MAF: variants seen among roughly 807,000 people sequenced by gnomAD.
The protein encoded by MAF is MAF bZIP transcription factor.
MAF carries 10 observed loss-of-function variants against 22.0 expected under a neutral mutation model. That is an observed-to-expected ratio of 0.45 (90% CI 0.28 to 0.77). MAF has a LOEUF of 0.77. Among genes scored for constraint, MAF ranks in the 30% least tolerant of loss-of-function variants. The pLI, the probability that MAF is intolerant of heterozygous loss-of-function variation, is 0.12. For missense variants in MAF, 544 were observed against 548.4 expected, an observed-to-expected ratio of 0.99 and a Z score of 0.08; for synonymous variants, 337 against 255.8, an observed-to-expected ratio of 1.32 and a Z score of -3.03.
the MAF span, among the ~76,000 whole-genome samples, chr16:79,433,860 C>G: frequency 6.6e-6 from 1 of 152,188 alleles, no homozygotes; most frequent in African/African-American, 2.4e-5. Flanking sequence ...TCAGAAAGAT[C>G]TGGCATGACT....
the MAF span, among the ~76,000 whole-genome samples, chr16:79,293,225 C>A: frequency 6.6e-6 from 1 of 152,286 alleles, no homozygotes; most frequent in East Asian, 1.9e-4. Flanking sequence ...ACAACACCAA[C>A]TCCTGGGGTG....
At chr16:79,516,799 T>C in the MAF span, among the ~76,000 whole-genome samples, 10 of 151,914 alleles carry the variant, frequency 6.6e-5, no homozygotes, top group African/African-American at 2.2e-4. Context: ...TTCCATGGAA[T>C]CTACTAAAGA....
the MAF span, among the ~76,000 whole-genome samples, chr16:79,576,688 T>C: frequency 6.6e-6 from 1 of 152,178 alleles, no homozygotes; most frequent in African/African-American, 2.4e-5. Context: ...AAACCAAGGC[T>C]TGCAAGGTGT....
the MAF span, among the ~76,000 whole-genome samples, chr16:79,315,327 G>C: frequency 2.6e-5 from 4 of 151,950 alleles, no homozygotes; most frequent in Admixed American, 2.6e-4. Flanking sequence ...GAATGGATGG[G>C]GGAGAGTTGA....
chr16:79,413,415 T>TC, the MAF span, among the ~76,000 whole-genome samples: 1 of 145,920 alleles, frequency 6.9e-6, no homozygotes, highest in South Asian at 2.4e-4. Flanking sequence ...GGCTAATTTT[T>TC]TTTTTATTTT....
chr16:79,566,357 G>T, the MAF span, among the ~76,000 whole-genome samples: 8 of 152,178 alleles, frequency 5.3e-5, no homozygotes, highest in Non-Finnish European at 1.2e-4. Flanking sequence ...GGTCGGAGGG[G>T]CCTGGGCTGG....
At chr16:79,525,942 TG>T in the MAF span, among the ~76,000 whole-genome samples, 1 of 152,204 alleles carries the variant, frequency 6.6e-6, no homozygotes, top group Non-Finnish European at 1.5e-5. Flanking sequence ...AGAAGATTCT[TG>T]GAGACGTGAG....
the MAF span, among the ~76,000 whole-genome samples, chr16:79,459,201 A>T: frequency 6.6e-6 from 1 of 152,212 alleles, no homozygotes; most frequent in Non-Finnish European, 1.5e-5. Context: ...ATAAAAGTTC[A>T]TCCTCTTAAC....
chr16:79,425,599 A>G, the MAF span, among the ~76,000 whole-genome samples: 2 of 152,178 alleles, frequency 1.3e-5, no homozygotes, highest in East Asian at 1.9e-4. Flanking sequence ...GGTATTTGCC[A>G]TCATTAAAAC....
chr16:79,355,590 C>G, the MAF span, among the ~76,000 whole-genome samples: 2 of 152,168 alleles, frequency 1.3e-5, no homozygotes, highest in East Asian at 3.8e-4. Context: ...CGTCCTATCT[C>G]CCTGGTTTGA....
At chr16:79,518,954 T>G in the MAF span, among the ~76,000 whole-genome samples, 4 of 152,084 alleles carry the variant, frequency 2.6e-5, no homozygotes, top group African/African-American at 9.7e-5. Context: ...TAAATAAGCT[T>G]TATAAATCTT....
At chr16:79,270,811 C>T in the MAF span, among the ~76,000 whole-genome samples, 27 of 152,162 alleles carry the variant, frequency 1.8e-4, no homozygotes, top group African/African-American at 3.6e-4. Flanking sequence ...GGTCACCATG[C>T]ACTGACCACA....
At chr16:79,240,378 C>T in the MAF span, among the ~76,000 whole-genome samples, 1 of 150,894 alleles carries the variant, frequency 6.6e-6, no homozygotes, top group Non-Finnish European at 1.5e-5. Flanking sequence ...CTCCCAAGCC[C>T]TACAACACTT....
At chr16:79,411,128 C>G in the MAF span, among the ~76,000 whole-genome samples, 1 of 152,150 alleles carries the variant, frequency 6.6e-6, no homozygotes, top group Non-Finnish European at 1.5e-5. Flanking sequence ...AGTTTCCACT[C>G]CCCAGTCACT....
chr16:79,531,581 C>A, the MAF span, among the ~76,000 whole-genome samples: 1 of 152,126 alleles, frequency 6.6e-6, no homozygotes, highest in African/African-American at 2.4e-5. Context: ...TGTGACAGAT[C>A]ATCAGGCATT....
At chr16:79,220,734 G>C in the MAF span, among the ~76,000 whole-genome samples, 4 of 152,288 alleles carry the variant, frequency 2.6e-5, no homozygotes, top group South Asian at 8.3e-4. Context: ...AAATATTTAA[G>C]GCTCTGGGTA....
intron 1 of MAF, chr16:79,586,056 CA>C: frequency 3.6e-6 from 2 of 551,346 alleles, no homozygotes; most frequent in South Asian, 5.1e-5. Flanking sequence ...AGAATTACAC[CA>C]AAAGAAGAGT....
At chr16:79,236,493 T>C in the MAF span, among the ~76,000 whole-genome samples, 1 of 152,106 alleles carries the variant, frequency 6.6e-6, no homozygotes, top group Non-Finnish European at 1.5e-5. Context: ...GGCTGTGCTG[T>C]TTGGCTTTGT....
At chr16:79,492,142 G>C in the MAF span, among the ~76,000 whole-genome samples, 5 of 152,322 alleles carry the variant, frequency 3.3e-5, no homozygotes, top group East Asian at 9.7e-4. Context: ...GGGCATGAGA[G>C]TTGAGGACCG....
Sources: allele counts gnomAD v4.1 joint callset (sites outside exome capture counted in the v4.1 genomes callset), GRCh38; gene constraint gnomAD v4.1.1; transcripts MANE v1.5; gene names NCBI Gene and HGNC (gene_info 2026-07-23, HGNC 2026-07-21).